SMURF1: variants seen among roughly 807,000 people sequenced by gnomAD.
SMURF1 encodes E3 ubiquitin-protein ligase SMURF1.
A neutral mutation model predicts 98.0 loss-of-function variants in SMURF1; 44 were observed. The observed-to-expected ratio is 0.45, with a 90% confidence interval of 0.35 to 0.58. The LOEUF (loss-of-function observed/expected upper bound fraction) is 0.58. SMURF1 is among the 20% of genes least tolerant of loss of function. The pLI, the probability that SMURF1 is intolerant of heterozygous loss-of-function variation, is 0.00. For missense variants in SMURF1, 687 were observed against 938.4 expected (o/e 0.73, Z 3.50); for synonymous variants, 396 against 374.9 (o/e 1.06, Z -0.65).
intron 1 of SMURF1, among the ~76,000 whole-genome samples, chr7:99,100,214 A>G (rs1797045239): frequency 2.0e-5 from 3 of 152,134 alleles, no homozygotes; most frequent in African/African-American, 7.2e-5. Context: ...GTTGTACTCT[A>G]CCTAGTAAGA....
At position 99,063,290 on chromosome 7, in the gene SMURF1, TATATATATATATATAA is replaced by T. The variant is rs1563012917; in HGVS notation, c.56-1469_56-1454del. On this transcript the variant is annotated intron_variant, in intron 1 of 17. Coordinates refer to ENST00000361368, the MANE Select transcript of SMURF1 (RefSeq NM_181349.3). ...ATATATATATATATATATATATATA[TATATATATATATATAA>T]AAAGAGACAGGGTCTCACTCCGTCA... is the stretch of plus-strand genomic sequence containing the variant. 4.0e-4 allele frequency among the ~76,000 whole-genome samples: 9 copies of T among 22,530 alleles called. 1 individual carries two copies. Among genetic ancestry groups the T allele is most frequent in the Middle Eastern group, 0.017 (1 of 58 alleles). The allele number at this position is 22,530 out of a possible 152,430, so 14.8% of individuals were successfully genotyped here.
intron 1 of SMURF1, among the ~76,000 whole-genome samples, chr7:99,076,441 T>A (rs550091403): frequency 1.1e-4 from 16 of 152,278 alleles, no homozygotes; most frequent in African/African-American, 3.6e-4. Flanking sequence ...AAATGCATAA[T>A]CCCAATCTAA....
rs963252640 is a variant in SMURF1 at position 99,143,846 on chromosome 7, C to CCCG, written c.-69_-67dup. ...GCCCCCCAGCCCGGCCCGGCCCGGC[C>CCCG]CCGCCGCCGCCGCCTCAAGGTTACG... is the stretch of plus-strand genomic sequence containing the variant. On this transcript the variant is annotated 5_prime_UTR_variant, in exon 1 of 18. Transcript: ENST00000361368. 2.4e-5 allele frequency: 33 copies of CCCG among 1,396,154 alleles called. No homozygotes were observed. Among genetic ancestry groups the CCCG allele is most frequent in the Middle Eastern group, 4.0e-4 (2 of 4,960 alleles). 86.5% of individuals were successfully genotyped at this position (1,396,154 alleles called of 1,614,324 possible).
At chr7:99,140,193 T>A (rs1230111194) in intron 1 of SMURF1, among the ~76,000 whole-genome samples, 1 of 151,982 alleles carries the variant, frequency 6.6e-6, no homozygotes, top group Non-Finnish European at 1.5e-5. Flanking sequence ...GTCTAGAATC[T>A]AGGTCTCCTA....
chr7:99,063,272 T>C (rs1224060011), intron 1 of SMURF1, among the ~76,000 whole-genome samples: 1 of 17,080 alleles, frequency 5.9e-5, no homozygotes, highest in Non-Finnish European at 1.3e-4. Flanking sequence ...TATATATATA[T>C]ATATATATAT....
At chr7:99,075,742 A>C (rs942882895) in intron 1 of SMURF1, among the ~76,000 whole-genome samples, 2 of 152,058 alleles carry the variant, frequency 1.3e-5, no homozygotes, top group African/African-American at 2.4e-5. Context: ...AAGGGTTGAG[A>C]CTTATTATTA....
chr7:99,039,702 C>G (rs987338107), intron 13 of SMURF1, among the ~76,000 whole-genome samples: 1 of 152,136 alleles, frequency 6.6e-6, no homozygotes, highest in African/African-American at 2.4e-5. Context: ...CCCAGAGTCC[C>G]CTGTTCAAGT....
chr7:99,142,836 G>A (rs1226284471), intron 1 of SMURF1, among the ~76,000 whole-genome samples: 4 of 150,796 alleles, frequency 2.7e-5, no homozygotes, highest in African/African-American at 9.8e-5. Context: ...AAAGTGGTGA[G>A]AAGTGAGGGA....
At chr7:99,045,597 C>G in intron 11 of SMURF1, 101 bp downstream of exon 11, 1 of 943,684 alleles carries the variant, frequency 1.1e-6, no homozygotes, top group Non-Finnish European at 1.7e-6. Flanking sequence ...ATCAGCCCTG[C>G]CCAGGAGTGC....
chr7:99,033,243 CT>C, intron 16 of SMURF1, 122 bp from the exon 17 acceptor site: 1 of 936,122 alleles, frequency 1.1e-6, no homozygotes, highest in South Asian at 1.6e-5. Context: ...GCAGGCTGTC[CT>C]GTGAGAGGGC....
At chr7:99,075,894 TTTCTA>T (rs1796444154) in intron 1 of SMURF1, among the ~76,000 whole-genome samples, 1 of 152,220 alleles carries the variant, frequency 6.6e-6, no homozygotes, top group South Asian at 2.1e-4. Flanking sequence ...ATATTTGGAC[TTTCTA>T]TTCTGTCTAT....
At chr7:99,089,200 C>CAA (rs35381081) in intron 1 of SMURF1, among the ~76,000 whole-genome samples, 40 of 123,732 alleles carry the variant, frequency 3.2e-4, no homozygotes, top group Admixed American at 1.3e-3. Flanking sequence ...GAGACTCTGT[C>CAA]AAAAAAAAAA....
chr7:99,125,954 C>T (rs1464762111), intron 1 of SMURF1, among the ~76,000 whole-genome samples: 2 of 152,208 alleles, frequency 1.3e-5, no homozygotes, highest in African/African-American at 4.8e-5. Context: ...CAGCCAGACT[C>T]ATGTCCACTC....
At chr7:99,076,157 A>G (rs965018108) in intron 1 of SMURF1, among the ~76,000 whole-genome samples, 6 of 152,214 alleles carry the variant, frequency 3.9e-5, no homozygotes, top group African/African-American at 1.2e-4. Context: ...CTCCAGCCAC[A>G]GCCTACCGAA....
At position 99,099,499 on chromosome 7, in the gene SMURF1, TA is replaced by T. The variant is rs769757604; in HGVS notation, c.56-37663del. ...CCGTGCAGTAATTCCTTTCCCAGGA[TA>T]GGGGGGGAAATGCCATTATCATGTA... On this transcript the variant is annotated intron_variant, in intron 1 of 17. Transcript: ENST00000361368. 8.5e-5 allele frequency among the ~76,000 whole-genome samples: 13 copies of T among 152,232 alleles called. No individual in the cohort carries two copies. The East Asian group carries it at 1.2e-3, about 14-fold the overall frequency.
At chr7:99,093,078 G>A (rs1344698141) in intron 1 of SMURF1, among the ~76,000 whole-genome samples, 1 of 152,260 alleles carries the variant, frequency 6.6e-6, no homozygotes, top group East Asian at 1.9e-4. Flanking sequence ...CACCACCCAT[G>A]AGACATTGAT....
chr7:99,124,315 T>C (rs1797701750), intron 1 of SMURF1, among the ~76,000 whole-genome samples: 1 of 152,164 alleles, frequency 6.6e-6, no homozygotes, highest in South Asian at 2.1e-4. Context: ...AATAGTAAGG[T>C]ATAGCTTACC....
chr7:99,037,363 C>T (rs1394709659), intron 14 of SMURF1, among the ~76,000 whole-genome samples, 176 bp from the exon 15 acceptor site: 1 of 152,136 alleles, frequency 6.6e-6, no homozygotes. Context: ...TCACCCTCCC[C>T]AGTAGCTAGG....
chr7:99,125,837 C>A (rs114014225), intron 1 of SMURF1, among the ~76,000 whole-genome samples: 1 of 152,200 alleles, frequency 6.6e-6, no homozygotes, highest in Non-Finnish European at 1.5e-5. Flanking sequence ...TTTATCATCT[C>A]ATTTCCTGAT....
Sources: gnomAD v4.1 joint callset for allele counts (sites outside exome capture counted in the v4.1 genomes callset) on GRCh38, gnomAD v4.1.1 for gene constraint, MANE v1.5 for transcripts, NCBI Gene and HGNC (gene_info 2026-07-23, HGNC 2026-07-21) for gene names.